Variants in RBFOX1 observed in about 807,000 individuals in gnomAD.
The protein encoded by RBFOX1 is RNA binding protein fox-1 homolog 1.
Under a neutral mutation model 57.7 loss-of-function variants are expected in RBFOX1, and 8 were observed. That is an observed-to-expected ratio of 0.14 (90% CI 0.08 to 0.25). The LOEUF is 0.25. Ranked by LOEUF, RBFOX1 falls within the 10% of genes least tolerant of loss-of-function variation. RBFOX1 has a pLI of 1.00. For missense variants in RBFOX1, 611 were observed against 548.5 expected, an observed-to-expected ratio of 1.11 and a Z score of -1.14; for synonymous variants, 326 against 222.4, an observed-to-expected ratio of 1.47 and a Z score of -4.15.
rs34031559 is a variant in RBFOX1 at position 7,181,085 on chromosome 16, AC to A, written c.27+128992del. Among the ~76,000 whole-genome samples the A allele has an allele frequency of 2.6e-5, 4 of 152,072 alleles. No individual in the cohort carries two copies. In the East Asian group the frequency reaches 5.8e-4, roughly 22 times the overall value. ...TTGGTCCACAGGCCATGGCTTACTG[AC>A]CCCCTGCTATCAAGGAATGACCAGG... On this transcript the variant is annotated intron_variant, in intron 4 of 15. Transcript: ENST00000550418.
rs1603625013 is a variant in RBFOX1 at position 6,795,297 on chromosome 16, T to C, written c.-16+140647T>C. Among the ~76,000 whole-genome samples, 4 of 152,250 alleles carry C rather than the reference T, an allele frequency of 2.6e-5. No individual in the cohort carries two copies. In the South Asian group the frequency reaches 8.3e-4, roughly 32 times the overall value. ...TGATAGAAGGGGCCTTGAGAGCTCA[T>C]CTAATTCAGTGATTTTTCCAACACT... On this transcript the variant is annotated intron_variant, in intron 3 of 15. Coordinates refer to ENST00000550418, the MANE Select transcript of RBFOX1 (RefSeq NM_018723.4).
chr16:7,643,276 T>C (rs962337015), intron 11 of RBFOX1, among the ~76,000 whole-genome samples: 1 of 152,216 alleles, frequency 6.6e-6, no homozygotes, highest in African/African-American at 2.4e-5. Context: ...ACCAGACTCG[T>C]TGCTCAGAGT....
At chr16:5,261,246 C>G (rs1172038441) in intron 1 of RBFOX1, among the ~76,000 whole-genome samples, 3 of 152,168 alleles carry the variant, frequency 2.0e-5, no homozygotes, top group Non-Finnish European at 4.4e-5. Context: ...CCTTTTCTTT[C>G]TGTTCTGCAA....
intron 1 of RBFOX1, among the ~76,000 whole-genome samples, chr16:5,348,105 C>T (rs2065184457): frequency 6.8e-6 from 1 of 148,050 alleles, no homozygotes; most frequent in Admixed American, 6.8e-5. Flanking sequence ...CACCCACCCA[C>T]CCTTCTGTCC....
At chr16:6,983,049 T>C (rs181827238) in intron 3 of RBFOX1, among the ~76,000 whole-genome samples, 27 of 151,404 alleles carry the variant, frequency 1.8e-4, no homozygotes, top group Admixed American at 1.6e-3. Context: ...TCGAGCATTT[T>C]GGTAAGTTAT....
At chr16:7,003,539 T>C (rs1453108341) in intron 3 of RBFOX1, among the ~76,000 whole-genome samples, 1 of 152,026 alleles carries the variant, frequency 6.6e-6, no homozygotes, top group African/African-American at 2.4e-5. Context: ...GATGCATATT[T>C]ACACCCTTTA....
In RBFOX1 at chr16:7,375,180, A is replaced by G. The variant is rs76903221; in HGVS notation, c.28-142967A>G. Among the ~76,000 whole-genome samples, 624 of 152,314 alleles carry G rather than the reference A, an allele frequency of 4.1e-3. 4 individuals carry two copies. The highest frequency in any genetic ancestry group is 0.014 in the African/African-American group (599 of 41,566). ...AGATTAATATCATTATCCCTACCCT[A>G]TGATAAAGATTCTGAAGATCAGAGA... On this transcript the variant is annotated intron_variant, in intron 4 of 15. Coordinates refer to ENST00000550418, the MANE Select transcript of RBFOX1 (RefSeq NM_018723.4).
chr16:5,646,507 G>C (rs1179236256), intron 3 of RBFOX1, among the ~76,000 whole-genome samples: 1 of 152,182 alleles, frequency 6.6e-6, no homozygotes, highest in African/African-American at 2.4e-5. Flanking sequence ...TGACAATAGT[G>C]TGCATTGTGT....
intron 1 of RBFOX1, among the ~76,000 whole-genome samples, chr16:6,306,562 T>C (rs2079541050): frequency 6.6e-6 from 1 of 152,208 alleles, no homozygotes; most frequent in Non-Finnish European, 1.5e-5. Flanking sequence ...CAGAAGCTGA[T>C]AGATTCAGGT....
chr16:6,459,822 A>G (rs1428938060), intron 2 of RBFOX1, among the ~76,000 whole-genome samples: 2 of 151,716 alleles, frequency 1.3e-5, no homozygotes, highest in South Asian at 2.1e-4. Context: ...CTGTCTCTAC[A>G]TAAGATACAA....
intron 3 of RBFOX1, among the ~76,000 whole-genome samples, chr16:5,669,143 A>G (rs1259878360): frequency 6.6e-6 from 1 of 152,138 alleles, no homozygotes; most frequent in Non-Finnish European, 1.5e-5. Context: ...AAAATTCCAG[A>G]GGGTTGGCCT....
intron 6 of RBFOX1, among the ~76,000 whole-genome samples, chr16:7,584,050 G>A (rs1160817668): frequency 2.0e-5 from 3 of 152,200 alleles, no homozygotes; most frequent in Non-Finnish European, 4.4e-5. Context: ...ATTATGGGGA[G>A]ACAGGGCATG....
chr16:6,605,217 G>C (rs1267235572), intron 2 of RBFOX1, among the ~76,000 whole-genome samples: 1 of 151,900 alleles, frequency 6.6e-6, no homozygotes, highest in Admixed American at 6.6e-5. Context: ...GGGTGACAGA[G>C]CAAGACCCTC....
At chr16:6,226,420 C>T (rs1042756028) in intron 1 of RBFOX1, among the ~76,000 whole-genome samples, 1 of 148,290 alleles carries the variant, frequency 6.7e-6, no homozygotes, top group African/African-American at 2.5e-5. Context: ...AAATTTTCAG[C>T]AATGTGAAGT....
At chr16:6,668,129 A>C (rs185622744) in intron 3 of RBFOX1, among the ~76,000 whole-genome samples, 1 of 152,252 alleles carries the variant, frequency 6.6e-6, no homozygotes, top group East Asian at 1.9e-4. Flanking sequence ...TCTCAATCTG[A>C]CTGAAAGAGT....
intron 4 of RBFOX1, among the ~76,000 whole-genome samples, chr16:7,499,217 T>C (rs1208139415): frequency 2.0e-5 from 3 of 152,174 alleles, no homozygotes; most frequent in Non-Finnish European, 4.4e-5. Flanking sequence ...GCTGCTCTCC[T>C]ATCTTCTGGA....
chr16:6,967,879 A>T (rs1456895222), intron 3 of RBFOX1, among the ~76,000 whole-genome samples: 1 of 152,146 alleles, frequency 6.6e-6, no homozygotes, highest in Non-Finnish European at 1.5e-5. Context: ...TGTCAGTCTG[A>T]AAAAAGATGC....
intron 4 of RBFOX1, among the ~76,000 whole-genome samples, chr16:7,348,545 C>T (rs571179862): frequency 2.0e-5 from 3 of 152,210 alleles, no homozygotes; most frequent in African/African-American, 2.4e-5. Context: ...ATATGATATC[C>T]TAAGTAAATA....
chr16:6,437,860 C>T (rs1428571304), intron 2 of RBFOX1, among the ~76,000 whole-genome samples: 1 of 152,158 alleles, frequency 6.6e-6, no homozygotes, highest in Non-Finnish European at 1.5e-5. Flanking sequence ...ATCATTCAGT[C>T]ACGTCCCACC....
Sources: allele counts gnomAD v4.1 joint callset (sites outside exome capture counted in the v4.1 genomes callset), GRCh38; gene constraint gnomAD v4.1.1; transcripts MANE v1.5; gene names NCBI Gene and HGNC (gene_info 2026-07-23, HGNC 2026-07-21).